The following SGCZ variants were observed in gnomAD, a reference collection of about 807,000 sequenced individuals.
SGCZ encodes the protein sarcoglycan zeta, also known as zeta-sarcoglycan.
A neutral mutation model predicts 41.3 loss-of-function variants in SGCZ; 40 were observed. The ratio of observed to expected loss-of-function variants is 0.97; its 90% CI spans 0.75 to 1.26. The LOEUF (loss-of-function observed/expected upper bound fraction) is 1.26. Among genes scored for constraint, SGCZ ranks in the 50% most tolerant of loss-of-function variants. SGCZ has a pLI of 0.00. For synonymous variants in SGCZ, 206 were observed against 137.5 expected (o/e 1.50, Z -3.49); for missense variants, 552 against 369.8 (o/e 1.49, Z -4.04).
At chr8:14,617,024 G>C (rs1386551050) in intron 1 of SGCZ, among the ~76,000 whole-genome samples, 3 of 151,594 alleles carry the variant, frequency 2.0e-5, no homozygotes, top group Non-Finnish European at 4.4e-5. Context: ...AGAAAAAAGG[G>C]GTAATTCAGA....
chr8:15,177,021 G>GAAAAA (rs1800019509), intron 1 of SGCZ, among the ~76,000 whole-genome samples: 1 of 152,084 alleles, frequency 6.6e-6, no homozygotes, highest in Non-Finnish European at 1.5e-5. Context: ...AAAAGAAAAA[G>GAAAAA]AAAGAAAGAC....
intron 1 of SGCZ, among the ~76,000 whole-genome samples, chr8:15,100,286 AT>A (rs1806554524): frequency 6.6e-6 from 1 of 152,186 alleles, no homozygotes; most frequent in Non-Finnish European, 1.5e-5. Context: ...ATAAAAGTCC[AT>A]TTATTTTTTA....
chr8:14,650,597 G>T (rs1057298283), intron 1 of SGCZ, among the ~76,000 whole-genome samples: 2 of 151,838 alleles, frequency 1.3e-5, no homozygotes, highest in Non-Finnish European at 2.9e-5. Flanking sequence ...ATAAGTGACA[G>T]GTTATCTTTA....
intron 2 of SGCZ, among the ~76,000 whole-genome samples, chr8:14,552,058 T>A (rs950760529): frequency 1.3e-5 from 2 of 151,248 alleles, no homozygotes; most frequent in Admixed American, 1.3e-4. Flanking sequence ...TTTGTGTAGA[T>A]CAATAGTACT....
chr8:14,102,870 G>GTATT (rs1802077561), intron 6 of SGCZ, among the ~76,000 whole-genome samples: 1 of 152,052 alleles, frequency 6.6e-6, no homozygotes, highest in Non-Finnish European at 1.5e-5. Flanking sequence ...TAACTTACTA[G>GTATT]TATTAATGAT....
At chr8:15,137,746 T>C (rs774658055) in intron 1 of SGCZ, among the ~76,000 whole-genome samples, 5 of 152,204 alleles carry the variant, frequency 3.3e-5, no homozygotes, top group Admixed American at 6.5e-5. Flanking sequence ...AGAGGACATA[T>C]AGACATGTAT....
Position 14,087,378 on chromosome 8 carries a change from T to C in SGCZ, c.*3065A>G, listed in dbSNP as rs542223718. 1.3e-5 allele frequency among the ~76,000 whole-genome samples: 2 copies of C among 151,762 alleles called. No individual in the cohort carries two copies. Among genetic ancestry groups the C allele is most frequent in the South Asian group, 4.1e-4 (2 of 4,826 alleles). ...AATGTGTCCTCTTTGCATCTTTCCT[T>C]TTGTGATCCCCCAAACCTGAATTCA... On this transcript the variant is annotated 3_prime_UTR_variant, in exon 8 of 8. Transcript: ENST00000382080.
intron 1 of SGCZ, among the ~76,000 whole-genome samples, chr8:14,912,654 G>T (rs1437140710): frequency 6.6e-6 from 1 of 151,972 alleles, no homozygotes; most frequent in African/African-American, 2.4e-5. Context: ...GCAAAACTCT[G>T]AAAGTCACCA....
At chr8:14,155,590 C>A (rs1327319469) in intron 5 of SGCZ, among the ~76,000 whole-genome samples, 3 of 151,796 alleles carry the variant, frequency 2.0e-5, no homozygotes, top group African/African-American at 7.3e-5. Flanking sequence ...CCTATGATTT[C>A]TTGTACATTT....
At chr8:14,755,638 G>A (rs535104096) in intron 1 of SGCZ, among the ~76,000 whole-genome samples, 1 of 152,082 alleles carries the variant, frequency 6.6e-6, no homozygotes, top group Admixed American at 6.6e-5. Context: ...TATACAAAGA[G>A]GTAATCTGGT....
chr8:14,302,562 A>G (rs1485364441), intron 3 of SGCZ, among the ~76,000 whole-genome samples: 1 of 151,980 alleles, frequency 6.6e-6, no homozygotes, highest in Admixed American at 6.6e-5. Flanking sequence ...CTCAATTGCC[A>G]TTTACTCAGA....
At chr8:14,301,734 G>T (rs765686869) in intron 3 of SGCZ, among the ~76,000 whole-genome samples, 1 of 152,092 alleles carries the variant, frequency 6.6e-6, no homozygotes, top group Non-Finnish European at 1.5e-5. Flanking sequence ...AGAATAACTT[G>T]CAATTTTTGG....
chr8:14,578,703 C>A (rs915929415), intron 1 of SGCZ, among the ~76,000 whole-genome samples: 1 of 152,062 alleles, frequency 6.6e-6, no homozygotes, highest in Non-Finnish European at 1.5e-5. Context: ...GTAATTTCAA[C>A]AAATTTCTTC....
chr8:14,871,862 GTA>G (rs200053592), intron 1 of SGCZ, among the ~76,000 whole-genome samples: 7 of 149,954 alleles, frequency 4.7e-5, no homozygotes, highest in African/African-American at 7.4e-5. Flanking sequence ...ATGCATGTAT[GTA>G]TATATATGTA....
chr8:15,095,252 T>G (rs7813354), intron 1 of SGCZ, among the ~76,000 whole-genome samples: 7,878 of 152,064 alleles, frequency 0.052, 623 homozygotes, highest in African/African-American at 0.17. Context: ...TCATGTGCCA[T>G]CACCCCTAGC....
intron 3 of SGCZ, among the ~76,000 whole-genome samples, chr8:14,257,719 G>C (rs938436460): frequency 1.3e-5 from 2 of 151,032 alleles, no homozygotes; most frequent in Admixed American, 6.6e-5. Flanking sequence ...ACCTATGAGT[G>C]AGAACATGTG....
intron 1 of SGCZ, among the ~76,000 whole-genome samples, chr8:14,964,210 C>T (rs4455829): frequency 0.93 from 141,637 of 152,230 alleles, 66,066 homozygotes; most frequent in East Asian, 0.99. Flanking sequence ...TTTTCTCTCA[C>T]TTAGCCCTAT....
intron 1 of SGCZ, among the ~76,000 whole-genome samples, chr8:15,027,561 T>A (rs74581622): frequency 5.7e-4 from 87 of 152,184 alleles, no homozygotes; most frequent in African/African-American, 1.9e-3. Context: ...TCTAATTTTA[T>A]ATAATTATTA....
chr8:14,728,396 A>T (rs1293482153), intron 1 of SGCZ, among the ~76,000 whole-genome samples: 1 of 150,236 alleles, frequency 6.7e-6, no homozygotes, highest in African/African-American at 2.5e-5. Context: ...AAAACATAAT[A>T]AAGACAAAAG....
Sources: gnomAD v4.1 joint callset for allele counts (sites outside exome capture counted in the v4.1 genomes callset) on GRCh38, gnomAD v4.1.1 for gene constraint, MANE v1.5 for transcripts, NCBI Gene and HGNC (gene_info 2026-07-23, HGNC 2026-07-21) for gene names.